Variants in ZNF445 observed in about 807,000 individuals in gnomAD.
ZNF445 encodes the protein zinc finger protein 445.
A neutral mutation model predicts 93.9 loss-of-function variants in ZNF445; 19 were observed. The observed-to-expected ratio is 0.20, with a 90% CI of 0.14 to 0.30. The LOEUF (loss-of-function observed/expected upper bound fraction) is 0.30. Ranked by LOEUF, ZNF445 falls within the 10% of genes least tolerant of loss-of-function variation. The pLI is 1.00. For missense variants in ZNF445, 1,058 were observed against 1,259.4 expected, an observed-to-expected ratio of 0.84 and a Z score of 2.42; for synonymous variants, 449 against 446.3, an observed-to-expected ratio of 1.01 and a Z score of -0.08.
chr3:44,448,621 C>T lies in ZNF445; in HGVS notation c.1050G>A (p.Gly350=), dbSNP rs1423469346. 2 of 1,614,180 alleles carry T rather than the reference C, an allele frequency of 1.2e-6. No individual in the cohort carries two copies. The highest frequency in any genetic ancestry group is 3.3e-5 in the Admixed American group (2 of 60,028). The change falls in exon 8 of 8, where the codon GGG becomes GGA. Residue 350 remains glycine (G), a synonymous_variant. Coordinates refer to ENST00000396077, the MANE Select transcript of ZNF445 (RefSeq NM_181489.6). ...CPATSVSEGI[G]LRESFQQKSR... is the part of the protein sequence containing the mutation. ...TCTTCTGTTGAAAAGATTCTCTGAG[C>T]CCAATTCCCTCAGAAACACTTGTCG...
Position 44,440,672 on chromosome 3 carries a change from C to G in ZNF445, c.*5903G>C, listed in dbSNP as rs1328503628. Reference sequence around the variant, plus strand: ...ACCTTGCTCAAGAAAAGAATTCGGGCGAGTCCACAAAGTGAAAGTAGTTAA... The same window carrying G: ...ACCTTGCTCAAGAAAAGAATTCGGGGGAGTCCACAAAGTGAAAGTAGTTAA... On this transcript the variant is annotated 3_prime_UTR_variant, in exon 8 of 8. Coordinates refer to ENST00000396077, the MANE Select transcript of ZNF445 (RefSeq NM_181489.6). The G allele has an allele frequency of 6.6e-6, 1 of 152,022 alleles. No individual in the cohort carries two copies. Among genetic ancestry groups the G allele is most frequent in the African/African-American group, 2.4e-5 (1 of 41,378 alleles). 9.4% of individuals were successfully genotyped at this position (152,022 alleles called of 1,614,324 possible). A position where few individuals can be genotyped will look rare whatever the true frequency, so the allele number is the denominator to read the frequency against.
At chr3:44,451,540 A>G in intron 3 of ZNF445, 58 bp from the exon 4 acceptor site, 1 of 1,558,424 alleles carries the variant, frequency 6.4e-7, no homozygotes, top group Non-Finnish European at 8.8e-7. Context: ...GCAAACTCAG[A>G]GAAGAGACCA....
intron 1 of ZNF445, among the ~76,000 whole-genome samples, chr3:44,461,413 G>C (rs1698113162): frequency 6.6e-6 from 1 of 152,178 alleles, no homozygotes; most frequent in Admixed American, 6.5e-5. Context: ...TTAGAAGGCT[G>C]TCTGTCTCAT....
chr3:44,456,578 G>A (rs1698030434), intron 2 of ZNF445, among the ~76,000 whole-genome samples: 1 of 152,002 alleles, frequency 6.6e-6, no homozygotes, highest in Non-Finnish European at 1.5e-5. Flanking sequence ...AGACACATAG[G>A]TCAATGGAAT....
chr3:44,452,215 T>C (rs1697967131), intron 3 of ZNF445, among the ~76,000 whole-genome samples: 1 of 152,228 alleles, frequency 6.6e-6, no homozygotes, highest in Non-Finnish European at 1.5e-5. Context: ...TCTGGTCCTG[T>C]GGCCGAGACA....
chr3:44,458,296 G>C lies in ZNF445; in HGVS notation c.-200C>G, dbSNP rs910491983. The stretch of plus-strand genomic sequence containing the variant: ...AGGCAGAAGAATCACTTGAACCCAG[G>C]AGGCGGAGGCTGCAGTGAGCCGAGA... On this transcript the variant is annotated 5_prime_UTR_variant, in exon 2 of 8. Transcript: ENST00000396077. 3 of 152,244 alleles carry C rather than the reference G, an allele frequency of 2.0e-5. No individual in the cohort carries two copies. Among genetic ancestry groups the C allele is most frequent in the African/African-American group, 7.2e-5 (3 of 41,408 alleles). 9.4% of individuals were successfully genotyped at this position (152,244 alleles called of 1,614,324 possible). A position where few individuals can be genotyped will look rare whatever the true frequency, so the allele number is the denominator to read the frequency against.
intron 3 of ZNF445, among the ~76,000 whole-genome samples, chr3:44,452,296 G>T (rs1448630588): frequency 6.6e-6 from 1 of 151,082 alleles, no homozygotes; most frequent in Non-Finnish European, 1.5e-5. Flanking sequence ...ACACACTAAA[G>T]ATGATGAACT....
At chr3:44,462,423 T>C (rs1698129293) in intron 1 of ZNF445, among the ~76,000 whole-genome samples, 1 of 152,318 alleles carries the variant, frequency 6.6e-6, no homozygotes, top group Non-Finnish European at 1.5e-5. Flanking sequence ...AGCTTGAAAT[T>C]GGCTTCTCTA....
At position 44,435,505 on chromosome 3, in the gene ZNF445, T is replaced by A. The variant is rs1016343343; in HGVS notation, c.*11070A>T. ...TGTCATTCTCCAAGATCCATCTGTC[T>A]TCTGCACAGGCTGAGTAGGTGAGCT... On this transcript the variant is annotated 3_prime_UTR_variant, in exon 8 of 8. Transcript: ENST00000396077. 3.3e-5 allele frequency: 5 copies of A among 152,236 alleles called. No individual in the cohort carries two copies. The Middle Eastern group carries it at 9.5e-3, about 289-fold the overall frequency. 9.4% of individuals were successfully genotyped at this position (152,236 alleles called of 1,614,324 possible). A position where few individuals can be genotyped will look rare whatever the true frequency, so the allele number is the denominator to read the frequency against.
chr3:44,440,778 G>T lies in ZNF445; in HGVS notation c.*5797C>A, dbSNP rs563473210. ...GGGCTGCTGGTTGCCTATTTTTATG[G>T]TTATTTATTGATTATATGCTAAACA... On this transcript the variant is annotated 3_prime_UTR_variant, in exon 8 of 8. Coordinates refer to ENST00000396077, the MANE Select transcript of ZNF445 (RefSeq NM_181489.6). 60 of 152,274 alleles carry T rather than the reference G, an allele frequency of 3.9e-4. No homozygotes were observed. Among genetic ancestry groups the T allele is most frequent in the African/African-American group, 1.4e-3 (57 of 41,554 alleles). 9.4% of individuals were successfully genotyped at this position (152,274 alleles called of 1,614,324 possible). A position where few individuals can be genotyped will look rare whatever the true frequency, so the allele number is the denominator to read the frequency against.
rs1698011072 is a variant in ZNF445, at chr3:44,455,174, C to T, written c.376G>A (p.Ala126Thr). Residue 126 changes from alanine (A) to threonine (T), a missense_variant, in exon 3 of 8, where the codon GCT becomes ACT. By Grantham distance (58) the Ala-to-Thr change is moderately conservative. Transcript: ENST00000396077. ...QLHNPESGEEAVALLEELQRD... is the reference protein window; with the variant it reads ...QLHNPESGEETVALLEELQRD... ...TGCAGCTCCTCCAGCAAGGCCACAG[C>T]CTCCTCGCCACTCTCAGGGTTATGA... is the stretch of plus-strand genomic sequence containing the variant. The T allele has an allele frequency of 1.9e-6, 3 of 1,614,202 alleles. No individual in the cohort carries two copies. The highest frequency in any genetic ancestry group is 2.5e-6 in the Non-Finnish European group (3 of 1,180,026).
chr3:44,448,866 A>G, intron 7 of ZNF445, 127 bp from the exon 8 acceptor site: 1 of 1,167,824 alleles, frequency 8.6e-7, no homozygotes, highest in Non-Finnish European at 1.2e-6. Flanking sequence ...TTTATAAAAT[A>G]GTCAAACATA....
chr3:44,464,462 G>A (rs1698164646), intron 1 of ZNF445, among the ~76,000 whole-genome samples: 1 of 152,304 alleles, frequency 6.6e-6, no homozygotes, highest in African/African-American at 2.4e-5. Flanking sequence ...GAAAGTAAAC[G>A]TTTAAATCAA....
rs1491531628 is a variant in ZNF445 at position 44,439,453 on chromosome 3, CAA to C, written c.*7120_*7121del. ...AGGCAAAAGGTGGTTAACTAACACT[CAA>C]AGTCTCATTGTGACCCTCCCTTCTG... On this transcript the variant is annotated 3_prime_UTR_variant, in exon 8 of 8. Coordinates refer to ENST00000396077, the MANE Select transcript of ZNF445 (RefSeq NM_181489.6). The C allele has an allele frequency of 6.6e-6, 1 of 152,178 alleles. No homozygotes were observed. The highest frequency in any genetic ancestry group is 1.9e-4 in the East Asian group (1 of 5,184). The allele number at this position is 152,178 out of a possible 1,614,324, so 9.4% of individuals were successfully genotyped here.
rs1347659835 is a variant in ZNF445, at chr3:44,439,920, GGTTTGCACA to G, written c.*6646_*6654del. The G allele has an allele frequency of 4.6e-5, 7 of 152,322 alleles. No homozygotes were observed. The highest frequency in any genetic ancestry group is 1.7e-4 in the African/African-American group (7 of 41,572). The allele number at this position is 152,322 out of a possible 1,614,324, so 9.4% of individuals were successfully genotyped here. A position where few individuals can be genotyped will look rare whatever the true frequency, so the allele number is the denominator to read the frequency against. ...AGAGCTCAGTGCATTTGACAGTCAG[GGTTTGCACA>G]GTTTGAACTTCCCCTCTGACGCAAA... On this transcript the variant is annotated 3_prime_UTR_variant, in exon 8 of 8. Transcript: ENST00000396077.
At chr3:44,453,875 C>T (rs543106791) in intron 3 of ZNF445, among the ~76,000 whole-genome samples, 1 of 152,246 alleles carries the variant, frequency 6.6e-6, no homozygotes, top group East Asian at 1.9e-4. Context: ...CTGAAAGGTA[C>T]AACTATGTGG....
In ZNF445 at chr3:44,447,610, C is replaced by A. The variant is rs1280734441; in HGVS notation, c.2061G>T (p.Gly687=). 6.2e-7 allele frequency: 1 copy of A among 1,614,162 alleles called. No homozygotes were observed. The change falls in exon 8 of 8, where the codon GGG becomes GGT. Residue 687 remains glycine (G), a synonymous_variant. Coordinates refer to ENST00000396077, the MANE Select transcript of ZNF445 (RefSeq NM_181489.6). This position sits in a 1 kb window ranked among gnomAD's most constrained non-coding sequence, Gnocchi z 4.7. ...GAGTTTTCTTTCTAGTAAAAGTTTTCCCACACTGCTGACACAGAAATGTTT... is the reference window on the plus strand; with the variant it reads ...GAGTTTTCTTTCTAGTAAAAGTTTTACCACACTGCTGACACAGAAATGTTT... ...VEKTFLCQQC[G]KTFTRKKTLV...
Position 44,440,889 on chromosome 3 carries a change from G to A in ZNF445, c.*5686C>T, listed in dbSNP as rs1280499703. On this transcript the variant is annotated 3_prime_UTR_variant, in exon 8 of 8. Coordinates refer to ENST00000396077, the MANE Select transcript of ZNF445 (RefSeq NM_181489.6). ...TCCTCTCCTTTTTAGACCATATAGT[G>A]TTACTTCCTGATGTTGCCATGGCAT... The A allele has an allele frequency of 6.7e-6, 1 of 150,142 alleles. No homozygotes were observed. The highest frequency in any genetic ancestry group is 1.5e-5 in the Non-Finnish European group (1 of 67,726). 9.3% of individuals were successfully genotyped at this position (150,142 alleles called of 1,614,324 possible).
rs184918924 is a variant in ZNF445 at position 44,435,731 on chromosome 3, T to C, written c.*10844A>G. On this transcript the variant is annotated 3_prime_UTR_variant, in exon 8 of 8. Coordinates refer to ENST00000396077, the MANE Select transcript of ZNF445 (RefSeq NM_181489.6). Reference sequence around the variant, plus strand: ...TGCCCATTGTTGACTATGTCTATTCTAATTACGCATTCTAGAACCAGGGAA... The same window carrying C: ...TGCCCATTGTTGACTATGTCTATTCCAATTACGCATTCTAGAACCAGGGAA... The C allele has an allele frequency of 6.6e-5, 10 of 152,314 alleles. No homozygotes were observed. In the East Asian group the frequency reaches 1.7e-3, roughly 26 times the overall value. The allele number at this position is 152,314 out of a possible 1,614,324, so 9.4% of individuals were successfully genotyped here.
Sources: allele counts gnomAD v4.1 joint callset (sites outside exome capture counted in the v4.1 genomes callset), GRCh38; gene constraint gnomAD v4.1.1; non-coding constraint Gnocchi (gnomAD v3.1); transcripts MANE v1.5; gene names NCBI Gene and HGNC (gene_info 2026-07-23, HGNC 2026-07-21).